Variants in GLIS3 observed in about 807,000 individuals in gnomAD.
GLIS3 encodes zinc finger protein GLIS3.
Under a neutral mutation model 78.6 loss-of-function variants are expected in GLIS3, and 53 were observed. That is an observed-to-expected ratio of 0.67 (90% confidence interval 0.54 to 0.85). The LOEUF is 0.85. GLIS3 is among the 40% of genes least tolerant of loss of function. The pLI is 0.00. For missense variants in GLIS3, 1,703 were observed against 1,231.1 expected (o/e 1.38, Z -5.74); for synonymous variants, 684 against 509.9 (o/e 1.34, Z -4.60).
chr9:4,448,450 C>A, the GLIS3 span, among the ~76,000 whole-genome samples: 1 of 152,222 alleles, frequency 6.6e-6, no homozygotes, highest in Non-Finnish European at 1.5e-5. Context: ...CTTCTCAAAG[C>A]TGAGCCAACT....
chr9:3,878,027 C>T (rs1482753827), intron 8 of GLIS3, among the ~76,000 whole-genome samples: 1 of 152,160 alleles, frequency 6.6e-6, no homozygotes, highest in African/African-American at 2.4e-5. Context: ...CCATGTATGC[C>T]TGGATGCTGT....
chr9:4,476,728 G>A, the GLIS3 span, among the ~76,000 whole-genome samples: 1 of 151,770 alleles, frequency 6.6e-6, no homozygotes, highest in Non-Finnish European at 1.5e-5. Flanking sequence ...GTACATTATA[G>A]TATTAGGAAA....
chr9:4,488,911 G>C, the GLIS3 span, among the ~76,000 whole-genome samples: 7 of 151,456 alleles, frequency 4.6e-5, no homozygotes, highest in African/African-American at 1.7e-4. Flanking sequence ...CTGTCGCCTA[G>C]GCTGGAGCGC....
At chr9:3,881,101 A>G (rs1290466978) in intron 7 of GLIS3, among the ~76,000 whole-genome samples, 7 of 152,144 alleles carry the variant, frequency 4.6e-5, no homozygotes, top group Non-Finnish European at 8.8e-5. Flanking sequence ...GGGAACCACA[A>G]TTCTGCTTGT....
At chr9:4,362,080 C>A in the GLIS3 span, among the ~76,000 whole-genome samples, 1 of 152,178 alleles carries the variant, frequency 6.6e-6, no homozygotes, top group Non-Finnish European at 1.5e-5. Context: ...TATTGGATCA[C>A]TAAAGGGTGC....
intron 3 of GLIS3, chr9:4,123,961 A>AGC: frequency 2.6e-6 from 1 of 390,744 alleles, no homozygotes; most frequent in Non-Finnish European, 4.5e-6. Flanking sequence ...ATCCACTCCC[A>AGC]GCATGCCCCC....
intron 2 of GLIS3, among the ~76,000 whole-genome samples, chr9:4,339,150 G>C (rs904796877): frequency 6.6e-6 from 1 of 152,140 alleles, no homozygotes; most frequent in African/African-American, 2.4e-5. Context: ...TTAGTGGCTT[G>C]GCTTATATAT....
At position 4,319,248 on chromosome 9, in the gene GLIS3, G is replaced by T. The variant is rs150761819; in HGVS notation, n.265-8720C>A. ...AATTTGATCATCATACTGTGGTTAT[G>T]TTAGAAAATATCACTGTACTTAGGG... On this transcript the variant is annotated intron_variant and non_coding_transcript_variant, in intron 2 of 4. Transcript: ENST00000471664. Among the ~76,000 whole-genome samples, 99 of 152,278 alleles carry T rather than the reference G, an allele frequency of 6.5e-4. 1 individual carries two copies. The East Asian group carries it at 0.017, about 26-fold the overall frequency.
the GLIS3 span, among the ~76,000 whole-genome samples, chr9:4,474,488 G>T: frequency 1.3e-5 from 2 of 152,034 alleles, no homozygotes; most frequent in Non-Finnish European, 2.9e-5. Flanking sequence ...AATGCTCCTG[G>T]ATTAATTGGA....
At chr9:4,049,175 C>T (rs1825500516) in intron 4 of GLIS3, among the ~76,000 whole-genome samples, 1 of 152,182 alleles carries the variant, frequency 6.6e-6, no homozygotes, top group African/African-American at 2.4e-5. Flanking sequence ...ATAGGAACTA[C>T]TCCAGAAGTC....
chr9:4,447,239 G>A, the GLIS3 span, among the ~76,000 whole-genome samples: 1 of 151,526 alleles, frequency 6.6e-6, no homozygotes, highest in South Asian at 2.1e-4. Flanking sequence ...ATAGAGACAG[G>A]GTCTCACTAT....
chr9:4,477,552 C>T, the GLIS3 span, among the ~76,000 whole-genome samples: 674 of 152,148 alleles, frequency 4.4e-3, 1 homozygote, highest in Non-Finnish European at 5.3e-3. Context: ...GTAGCTGGGA[C>T]TGCAGATGTG....
chr9:4,159,803 C>G (rs757636249), intron 2 of GLIS3, among the ~76,000 whole-genome samples: 2 of 152,134 alleles, frequency 1.3e-5, no homozygotes, highest in African/African-American at 4.8e-5. Flanking sequence ...CCACAGATCT[C>G]TCTTGTGACC....
rs187120825 is a variant in GLIS3 at position 4,251,356 on chromosome 9, T to C, written c.388+34682A>G. The stretch of plus-strand genomic sequence containing the variant: ...TGTTGTGTTAATCGCTTTACCATTA[T>C]GTAATGCCCCTCTTTATCTTTTTTG... On this transcript the variant is annotated intron_variant, in intron 2 of 10. Transcript: ENST00000381971. Among the ~76,000 whole-genome samples the C allele has an allele frequency of 7.2e-5, 11 of 152,300 alleles. No homozygotes were observed. The East Asian group carries it at 1.2e-3, about 16-fold the overall frequency.
intron 4 of GLIS3, among the ~76,000 whole-genome samples, chr9:4,089,907 G>T (rs1464279101): frequency 5.3e-5 from 8 of 152,202 alleles, no homozygotes; most frequent in Admixed American, 5.2e-4. Flanking sequence ...ATTTCCGGGT[G>T]ATCATAAAGA....
chr9:3,950,614 T>A (rs530617192), intron 4 of GLIS3, among the ~76,000 whole-genome samples: 1 of 152,252 alleles, frequency 6.6e-6, no homozygotes, highest in Non-Finnish European at 1.5e-5. Context: ...CACAGCTTAG[T>A]TGAAATATTT....
At chr9:4,224,692 C>T (rs1234780861) in intron 2 of GLIS3, among the ~76,000 whole-genome samples, 1 of 151,608 alleles carries the variant, frequency 6.6e-6, no homozygotes, top group Non-Finnish European at 1.5e-5. Context: ...TCTCCTATTC[C>T]CCCACTTACC....
At chr9:4,325,703 T>C (rs1314329900) in intron 2 of GLIS3, among the ~76,000 whole-genome samples, 1 of 152,212 alleles carries the variant, frequency 6.6e-6, no homozygotes, top group African/African-American at 2.4e-5. Context: ...TTTTTTGAGA[T>C]AAATATGTTT....
intron 1 of GLIS3, among the ~76,000 whole-genome samples, chr9:4,347,991 A>G (rs1350115941): frequency 6.6e-6 from 1 of 152,186 alleles, no homozygotes; most frequent in Non-Finnish European, 1.5e-5. Flanking sequence ...CCCTTCCCAA[A>G]TTAGACAGGA....
Sources: gnomAD v4.1 joint callset for allele counts (sites outside exome capture counted in the v4.1 genomes callset) on GRCh38, gnomAD v4.1.1 for gene constraint, MANE v1.5 for transcripts, NCBI Gene and HGNC (gene_info 2026-07-23, HGNC 2026-07-21) for gene names.